The following CHCHD3 variants were observed in gnomAD, a reference collection of about 807,000 sequenced individuals.
The protein encoded by CHCHD3 is coiled-coil-helix-coiled-coil-helix domain containing 3, also known as MICOS complex subunit MIC19.
Under a neutral mutation model 38.2 loss-of-function variants are expected in CHCHD3, and 20 were observed. The ratio of observed to expected loss-of-function variants is 0.52; its 90% CI spans 0.37 to 0.76. The LOEUF is 0.76. Ranked by LOEUF, CHCHD3 falls within the 30% of genes least tolerant of loss-of-function variation. The probability of loss-of-function intolerance (pLI) is 0.00; values close to 1 mark genes in which losing one functional copy is unlikely to be tolerated. For synonymous variants in CHCHD3, 82 were observed against 100.0 expected (o/e 0.82, Z 1.07); for missense variants, 245 against 279.2 (o/e 0.88, Z 0.87).
At chr7:132,966,176 T>C (rs977216564) in intron 4 of CHCHD3, among the ~76,000 whole-genome samples, 4 of 152,360 alleles carry the variant, frequency 2.6e-5, no homozygotes, top group South Asian at 2.1e-4. Context: ...ACTGCAGGTT[T>C]GTAAACAGAT....
chr7:132,805,208 C>G (rs1450584057), intron 6 of CHCHD3, among the ~76,000 whole-genome samples: 1 of 152,088 alleles, frequency 6.6e-6, no homozygotes, highest in East Asian at 1.9e-4. Flanking sequence ...AACATACACA[C>G]TCATAAAGGT....
chr7:132,838,567 C>A, intron 5 of CHCHD3, 98 bp from the exon 6 acceptor site: 2 of 852,282 alleles, frequency 2.3e-6, no homozygotes, highest in Non-Finnish European at 3.8e-6. Flanking sequence ...CTTGTTTCAG[C>A]CACTCAAGCA....
chr7:133,066,761 G>T (rs376571528), intron 2 of CHCHD3, among the ~76,000 whole-genome samples: 1 of 152,090 alleles, frequency 6.6e-6, no homozygotes, highest in East Asian at 1.9e-4. Flanking sequence ...CCACTCTCTC[G>T]AAATATCAAA....
At position 132,894,627 on chromosome 7, in the gene CHCHD3, C is replaced by T. The variant is rs140694032; in HGVS notation, c.370-8882G>A. Among the ~76,000 whole-genome samples the T allele has an allele frequency of 6.6e-3, 1,001 of 152,298 alleles. 11 individuals are homozygous for T. The highest frequency in any genetic ancestry group is 0.022 in the African/African-American group (930 of 41,554). ...AAGAGAAGGGCTTTCCTCCTCTCTG[C>T]CTGTATCTTTGGCTCAAGCTAGATC... On this transcript the variant is annotated intron_variant, in intron 4 of 7. Coordinates refer to ENST00000262570, the MANE Select transcript of CHCHD3 (RefSeq NM_017812.4).
At chr7:133,027,673 C>T (rs1170140002) in intron 2 of CHCHD3, among the ~76,000 whole-genome samples, 1 of 152,074 alleles carries the variant, frequency 6.6e-6, no homozygotes, top group East Asian at 1.9e-4. Flanking sequence ...TGCCTCTCTC[C>T]TACTTCATAG....
intron 3 of CHCHD3, among the ~76,000 whole-genome samples, chr7:133,015,739 G>A (rs1435276016): frequency 6.6e-6 from 1 of 152,130 alleles, no homozygotes; most frequent in East Asian, 1.9e-4. Flanking sequence ...ATATGACCTT[G>A]GTGTATTAGT....
intron 3 of CHCHD3, among the ~76,000 whole-genome samples, chr7:133,016,126 A>T (rs1813024555): frequency 6.6e-6 from 1 of 152,178 alleles, no homozygotes; most frequent in Non-Finnish European, 1.5e-5. Flanking sequence ...GTGGGTGGGG[A>T]CATAGAACCA....
At chr7:132,921,554 T>C (rs1810263876) in intron 4 of CHCHD3, among the ~76,000 whole-genome samples, 1 of 152,120 alleles carries the variant, frequency 6.6e-6, no homozygotes, top group Admixed American at 6.6e-5. Flanking sequence ...ACAATCCCAA[T>C]TGATAGGTAA....
chr7:132,997,958 T>C (rs1341558851), intron 3 of CHCHD3, among the ~76,000 whole-genome samples: 1 of 152,156 alleles, frequency 6.6e-6, no homozygotes, highest in Non-Finnish European at 1.5e-5. Context: ...TAAAAATAAA[T>C]AAATACTGTC....
intron 5 of CHCHD3, among the ~76,000 whole-genome samples, chr7:132,883,833 G>T (rs1401646710): frequency 6.6e-6 from 1 of 152,002 alleles, no homozygotes; most frequent in Non-Finnish European, 1.5e-5. Context: ...TAAGTGTCCT[G>T]AGCTTAACAT....
rs147791810 is a variant in CHCHD3 at position 132,810,095 on chromosome 7, C to T, written c.525-13518G>A. Among the ~76,000 whole-genome samples, 345 of 152,206 alleles carry T rather than the reference C, an allele frequency of 2.3e-3. 2 individuals are homozygous for T. The highest frequency in any genetic ancestry group is 6.6e-3 in the African/African-American group (274 of 41,526). ...GAACTTAGAAGGTGAGTTGCTAATT[C>T]GTAATATCTCATCTCTAGCATTAAA... On this transcript the variant is annotated intron_variant, in intron 6 of 7. Coordinates refer to ENST00000262570, the MANE Select transcript of CHCHD3 (RefSeq NM_017812.4).
At chr7:133,001,954 A>C (rs1227199045) in intron 3 of CHCHD3, among the ~76,000 whole-genome samples, 1 of 152,206 alleles carries the variant, frequency 6.6e-6, no homozygotes, top group African/African-American at 2.4e-5. Context: ...GGTAACCCTG[A>C]GGTAAGAGTT....
At position 133,061,625 on chromosome 7, in the gene CHCHD3, T is replaced by C. The variant is rs143013979; in HGVS notation, c.169+8517A>G. On this transcript the variant is annotated intron_variant, in intron 2 of 7. Coordinates refer to ENST00000262570, the MANE Select transcript of CHCHD3 (RefSeq NM_017812.4). ...CTGGCAGCCGTGTACTTGCCCACCC[T>C]GCAATCTGTCAGATGTTTCAAACAC... Among the ~76,000 whole-genome samples, 4 of 152,298 alleles carry C rather than the reference T, an allele frequency of 2.6e-5. No homozygotes were observed. In the East Asian group the frequency reaches 7.7e-4, roughly 29 times the overall value.
chr7:132,828,632 G>A (rs1036395424), intron 6 of CHCHD3, among the ~76,000 whole-genome samples: 1 of 152,130 alleles, frequency 6.6e-6, no homozygotes, highest in Non-Finnish European at 1.5e-5. Flanking sequence ...TAAATACAAT[G>A]TATCCTGAAA....
intron 4 of CHCHD3, among the ~76,000 whole-genome samples, chr7:132,937,746 T>C (rs1030020614): frequency 6.6e-6 from 1 of 152,238 alleles, no homozygotes; most frequent in Non-Finnish European, 1.5e-5. Context: ...CAATTAGCAG[T>C]GTTAGTTAAT....
In CHCHD3 at chr7:132,868,321, T is replaced by A. The variant is rs574785412; in HGVS notation, c.453+17341A>T. On this transcript the variant is annotated intron_variant, in intron 5 of 7. Transcript: ENST00000262570. The stretch of plus-strand genomic sequence containing the variant: ...GTTTATACAGATCTTTTTGAAAAGT[T>A]ATTGCTTGATGACTTAAAGACTGGA... Among the ~76,000 whole-genome samples the A allele has an allele frequency of 2.6e-5, 4 of 152,322 alleles. No homozygotes were observed. The South Asian group carries it at 8.3e-4, about 32-fold the overall frequency.
At chr7:133,005,687 G>A (rs947311373) in intron 3 of CHCHD3, among the ~76,000 whole-genome samples, 1 of 152,126 alleles carries the variant, frequency 6.6e-6, no homozygotes, top group Non-Finnish European at 1.5e-5. Flanking sequence ...ATGAAGGAAT[G>A]GTCAAATTCA....
At chr7:132,840,202 A>G (rs944651926) in intron 5 of CHCHD3, among the ~76,000 whole-genome samples, 2 of 152,226 alleles carry the variant, frequency 1.3e-5, no homozygotes, top group African/African-American at 4.8e-5. Context: ...CCCTTAAAAT[A>G]CACACCAGTC....
At chr7:132,881,188 T>G (rs959578069) in intron 5 of CHCHD3, among the ~76,000 whole-genome samples, 1 of 152,146 alleles carries the variant, frequency 6.6e-6, no homozygotes, top group Non-Finnish European at 1.5e-5. Context: ...TAAATTACAC[T>G]TATTACTCCT....
Sources: gnomAD v4.1 joint callset for allele counts (sites outside exome capture counted in the v4.1 genomes callset) on GRCh38, gnomAD v4.1.1 for gene constraint, MANE v1.5 for transcripts, NCBI Gene and HGNC (gene_info 2026-07-23, HGNC 2026-07-21) for gene names.